SYT12: variants seen among roughly 807,000 people sequenced by gnomAD.
SYT12 encodes synaptotagmin 12, also known as synaptotagmin-12.
A neutral mutation model predicts 39.5 loss-of-function variants in SYT12; 27 were observed. That is an observed-to-expected ratio of 0.68 (90% CI 0.50 to 0.94). SYT12 has a LOEUF of 0.94. Ranked by LOEUF, SYT12 falls within the 40% of genes least tolerant of loss-of-function variation. The pLI is 0.00. For missense variants in SYT12, 536 were observed against 572.6 expected, an observed-to-expected ratio of 0.94 and a Z score of 0.65; for synonymous variants, 233 against 239.7, an observed-to-expected ratio of 0.97 and a Z score of 0.26.
chr11:67,035,857 TC>T (rs1950366634), intron 3 of SYT12, among the ~76,000 whole-genome samples: 2 of 110,524 alleles, frequency 1.8e-5, no homozygotes, highest in Admixed American at 1.0e-4. Flanking sequence ...TTTCTTTCTT[TC>T]TTTCTTTCTT....
rs1854692983 is a variant in SYT12 at position 67,049,745 on chromosome 11, C to T, written c.*988C>T. ...GGACAAGGAGGCTCTCGGGCTGGGC[C>T]TTGGAGGGGTGGCAGCGGAAGGACA... On this transcript the variant is annotated 3_prime_UTR_variant, in exon 8 of 8. Transcript: ENST00000527043. 1 of 152,316 alleles carries T rather than the reference C, an allele frequency of 6.6e-6. No homozygotes were observed. The highest frequency in any genetic ancestry group is 2.1e-4 in the South Asian group (1 of 4,820). 9.4% of individuals were successfully genotyped at this position (152,316 alleles called of 1,614,324 possible).
chr11:67,038,064 G>A (rs1950418008), intron 3 of SYT12, among the ~76,000 whole-genome samples: 1 of 151,184 alleles, frequency 6.6e-6, no homozygotes, highest in South Asian at 2.1e-4. Flanking sequence ...AAAAATTATG[G>A]TAATGAAGGC....
At chr11:67,026,909 C>T (rs1950188912) in intron 1 of SYT12, 1 of 152,294 alleles carries the variant, frequency 6.6e-6, no homozygotes, top group Non-Finnish European at 1.5e-5. Flanking sequence ...CATCACCAGG[C>T]TGCTAACCAC....
upstream of SYT12, chr11:67,022,855 CTT>C (rs955192470): frequency 2.0e-5 from 3 of 152,266 alleles, no homozygotes; most frequent in African/African-American, 7.2e-5. Flanking sequence ...AAAGGGGAAA[CTT>C]TCCGCTGCGC....
Position 67,050,123 on chromosome 11 carries a change from G to C in SYT12, c.*1366G>C, listed in dbSNP as rs1057294785. 1 of 152,294 alleles carries C rather than the reference G, an allele frequency of 6.6e-6. No homozygotes were observed. The highest frequency in any genetic ancestry group is 1.5e-5 in the Non-Finnish European group (1 of 68,168). The allele number at this position is 152,294 out of a possible 1,614,324, so 9.4% of individuals were successfully genotyped here. On this transcript the variant is annotated 3_prime_UTR_variant, in exon 8 of 8. Coordinates refer to ENST00000527043, the MANE Select transcript of SYT12 (RefSeq NM_177963.4). ...CTGGAGTACGAGGGGCACCCTGGGGGCTCCCACCCAGAAGCAGAGGGGCTG... is the reference window on the plus strand; with the variant it reads ...CTGGAGTACGAGGGGCACCCTGGGGCCTCCCACCCAGAAGCAGAGGGGCTG...
At chr11:67,037,145 C>T (rs1050940098) in intron 3 of SYT12, among the ~76,000 whole-genome samples, 15 of 152,098 alleles carry the variant, frequency 9.9e-5, no homozygotes, top group African/African-American at 3.4e-4. Context: ...ATTCCAGCTA[C>T]TCAGCAGGCT....
At chr11:67,010,046 T>C (rs1371280870) in exon 2 of SYT12, 1 of 152,124 alleles carries the variant, frequency 6.6e-6, no homozygotes, top group African/African-American at 2.4e-5. Flanking sequence ...AAACAGTGAG[T>C]AGGGCATGGT....
rs768467962 is a variant in SYT12, at chr11:67,050,840, T to A, written c.*2083T>A. The A allele has an allele frequency of 6.6e-6, 1 of 152,246 alleles. No individual in the cohort carries two copies. The highest frequency in any genetic ancestry group is 1.5e-5 in the Non-Finnish European group (1 of 68,068). 9.4% of individuals were successfully genotyped at this position (152,246 alleles called of 1,614,324 possible). On this transcript the variant is annotated 3_prime_UTR_variant, in exon 8 of 8. Coordinates refer to ENST00000527043, the MANE Select transcript of SYT12 (RefSeq NM_177963.4). ...CCAGGGAGCCCTGCTCGGCCCTGAA[T>A]CACCTTCGTCTCTTCTCTAGGAATC...
chr11:67,034,562 C>G, intron 2 of SYT12, 83 bp from the exon 3 acceptor site: 2 of 1,248,400 alleles, frequency 1.6e-6, no homozygotes, highest in Non-Finnish European at 2.2e-6. Context: ...AATATCCATT[C>G]AATGTAGAAG....
chr11:67,020,949 G>A (rs151294028), upstream of SYT12, among the ~76,000 whole-genome samples: 1,583 of 152,206 alleles, frequency 0.01, 28 homozygotes, highest in African/African-American at 0.035. Flanking sequence ...GGCTGGTCTC[G>A]AACTCCTGAG....
intron 3 of SYT12, among the ~76,000 whole-genome samples, chr11:67,035,880 TTCCCTCCCTCCC>T (rs1175391275): frequency 8.7e-6 from 1 of 115,268 alleles, no homozygotes; most frequent in Non-Finnish European, 1.7e-5. Flanking sequence ...CTTTCTTTCT[TTCCCTCCCTCCC>T]TCCCTCCCTC....
intron 3 of SYT12, among the ~76,000 whole-genome samples, chr11:67,012,015 G>A (rs958285072): frequency 1.3e-5 from 2 of 150,166 alleles, no homozygotes; most frequent in African/African-American, 2.4e-5. Context: ...CACCCACCTC[G>A]GCCTCCCAAA....
rs1950131159 is a variant in SYT12 at position 67,023,138 on chromosome 11, C to T, written c.-346C>T. ...GGATCCCGGACGCGCTTGGGGATCTCCGGCTCGGACCCCAGGAGCAGAGAC... is the reference window on the plus strand; with the variant it reads ...GGATCCCGGACGCGCTTGGGGATCTTCGGCTCGGACCCCAGGAGCAGAGAC... On this transcript the variant is annotated 5_prime_UTR_variant, in exon 1 of 8. Coordinates refer to ENST00000527043, the MANE Select transcript of SYT12 (RefSeq NM_177963.4). Among the ~76,000 whole-genome samples, 1 of 152,194 alleles carries T rather than the reference C, an allele frequency of 6.6e-6. No individual in the cohort carries two copies. The highest frequency in any genetic ancestry group is 2.4e-5 in the African/African-American group (1 of 41,464).
At chr11:67,036,299 T>A (rs539336968) in intron 3 of SYT12, among the ~76,000 whole-genome samples, 1 of 152,246 alleles carries the variant, frequency 6.6e-6, no homozygotes, top group East Asian at 1.9e-4. Context: ...AATGGCTGTA[T>A]GAGATTCTTT....
At chr11:67,016,257 G>C (rs1027298526) in intron 3 of SYT12, among the ~76,000 whole-genome samples, 11 of 152,122 alleles carry the variant, frequency 7.2e-5, no homozygotes, top group African/African-American at 2.7e-4. Context: ...CTCCAGCCTG[G>C]GCGACAGAGT....
rs759853772 is a variant in SYT12 at position 67,045,680 on chromosome 11, C to T, written c.959-64C>T. ...GGAGTTTGGAGTCGGTGGGTGGAGC[C>T]AAACTGGGCAGGGCTGTGGTGAGTG... On this transcript the variant is annotated intron_variant, in intron 6 of 7. Transcript: ENST00000527043. The T allele has an allele frequency of 5.7e-6, 9 of 1,587,332 alleles. No individual in the cohort carries two copies. In the African/African-American group the frequency reaches 1.1e-4, roughly 19 times the overall value.
Position 67,039,904 on chromosome 11 carries a change from A to T in SYT12, c.322A>T (p.Ser108Cys). ...CATTGAGGACACCTTTGAGAGCATC[A>T]GTGAACTGGGGCCTCTGGAGCTGAT... ...LSIEDTFESI[S>C]ELGPLELMGR... is the part of the protein sequence containing the mutation. The change falls in exon 4 of 8, where the codon AGT becomes TGT. Residue 108 changes from serine (S) to cysteine (C), a missense_variant. Transcript: ENST00000527043. The T allele has an allele frequency of 6.2e-7, 1 of 1,613,746 alleles. No homozygotes were observed. The highest frequency in any genetic ancestry group is 8.5e-7 in the Non-Finnish European group (1 of 1,180,042).
chr11:67,035,259 T>C (rs1303372388), intron 3 of SYT12, among the ~76,000 whole-genome samples: 1 of 151,406 alleles, frequency 6.6e-6, no homozygotes, highest in African/African-American at 2.4e-5. Context: ...TCCACCTGCC[T>C]CGACCTCCCA....
chr11:67,049,081 T>C lies in SYT12; in HGVS notation c.*324T>C, dbSNP rs1854671339. ...AGTGAATCTTGGGGGCCAGGCACTG[T>C]GCTAGGCACCAGCAGGGGTAACACG... On this transcript the variant is annotated 3_prime_UTR_variant, in exon 8 of 8. Coordinates refer to ENST00000527043, the MANE Select transcript of SYT12 (RefSeq NM_177963.4). 3.9e-6 allele frequency: 1 copy of C among 258,814 alleles called. No individual in the cohort carries two copies. Among genetic ancestry groups the C allele is most frequent in the Admixed American group, 4.6e-5 (1 of 21,688 alleles). 16.0% of individuals were successfully genotyped at this position (258,814 alleles called of 1,614,324 possible).
Sources: allele counts gnomAD v4.1 joint callset (sites outside exome capture counted in the v4.1 genomes callset), GRCh38; gene constraint gnomAD v4.1.1; transcripts MANE v1.5; gene names NCBI Gene and HGNC (gene_info 2026-07-23, HGNC 2026-07-21).